Variants in MACROD2 observed in about 807,000 individuals in gnomAD.
The protein encoded by MACROD2 is mono-ADP ribosylhydrolase 2, also known as ADP-ribose glycohydrolase MACROD2.
A neutral mutation model predicts 70.4 loss-of-function variants in MACROD2; 36 were observed. That is an observed-to-expected ratio of 0.51 (90% CI 0.39 to 0.68). MACROD2 has a LOEUF of 0.68. MACROD2 is among the 30% of genes least tolerant of loss of function. MACROD2 has a pLI of 0.00. For missense variants in MACROD2, 496 were observed against 538.4 expected, an observed-to-expected ratio of 0.92 and a Z score of 0.78; for synonymous variants, 172 against 178.8, an observed-to-expected ratio of 0.96 and a Z score of 0.30.
At chr20:15,073,589 A>G (rs1321301824) in intron 5 of MACROD2, among the ~76,000 whole-genome samples, 3 of 152,036 alleles carry the variant, frequency 2.0e-5, no homozygotes, top group African/African-American at 7.2e-5. Flanking sequence ...TGGTGGAAAA[A>G]ACAAAGAATC....
intron 6 of MACROD2, among the ~76,000 whole-genome samples, chr20:15,346,093 GGCCTAAGGTAAAAATTTTTT>G (rs1252732242): frequency 2.2e-5 from 3 of 134,232 alleles, no homozygotes; most frequent in South Asian, 2.6e-4. Flanking sequence ...CACGAGGCCT[GGCCTAAGGTAAAAATTTTTT>G]TTTTTTTTAA....
At chr20:16,019,704 A>G (rs1297675933) in intron 15 of MACROD2, among the ~76,000 whole-genome samples, 2 of 152,230 alleles carry the variant, frequency 1.3e-5, no homozygotes, top group Non-Finnish European at 2.9e-5. Flanking sequence ...AGAAATGCAG[A>G]TTCTTAGGCC....
chr20:15,136,409 A>G (rs1038670779), intron 5 of MACROD2, among the ~76,000 whole-genome samples: 1 of 152,120 alleles, frequency 6.6e-6, no homozygotes, highest in Non-Finnish European at 1.5e-5. Flanking sequence ...ATAATGCCGC[A>G]TATCTACAAC....
chr20:15,118,120 T>C (rs919880788), intron 5 of MACROD2, among the ~76,000 whole-genome samples: 1 of 152,072 alleles, frequency 6.6e-6, no homozygotes, highest in East Asian at 1.9e-4. Flanking sequence ...AGAATTACCA[T>C]CCAAAAAAGC....
intron 3 of MACROD2, among the ~76,000 whole-genome samples, chr20:14,102,920 T>C (rs759344787): frequency 3.3e-5 from 5 of 152,158 alleles, no homozygotes; most frequent in Non-Finnish European, 5.9e-5. Flanking sequence ...TCAGTGTCTT[T>C]TTAAAAATAG....
intron 3 of MACROD2, among the ~76,000 whole-genome samples, chr20:14,330,167 G>C (rs1381761600): frequency 6.6e-6 from 1 of 152,030 alleles, no homozygotes; most frequent in Non-Finnish European, 1.5e-5. Flanking sequence ...AATATTGCCA[G>C]TTTTTAATAA....
At chr20:15,101,650 C>T (rs75323901) in intron 5 of MACROD2, among the ~76,000 whole-genome samples, 2,383 of 151,414 alleles carry the variant, frequency 0.016, 63 homozygotes, top group African/African-American at 0.055. Context: ...GCAGGAAATC[C>T]CCAACTCTGG....
chr20:15,618,239 A>G (rs1167318554), intron 8 of MACROD2, among the ~76,000 whole-genome samples: 1 of 151,736 alleles, frequency 6.6e-6, no homozygotes, highest in African/African-American at 2.4e-5. Context: ...CGAGGACAGT[A>G]TGCTTTTTAA....
At chr20:14,025,846 G>T (rs561832343) in intron 2 of MACROD2, among the ~76,000 whole-genome samples, 1 of 152,294 alleles carries the variant, frequency 6.6e-6, no homozygotes, top group Non-Finnish European at 1.5e-5. Context: ...GAGTTCTGTA[G>T]ATGTCTATTA....
At chr20:14,247,435 T>C (rs6074712) in intron 3 of MACROD2, among the ~76,000 whole-genome samples, 121,182 of 152,200 alleles carry the variant, frequency 0.8, 49,373 homozygotes, top group Non-Finnish European at 0.88. Flanking sequence ...ACGTAAGAAT[T>C]AGATGAAATA....
chr20:15,337,280 A>AT (rs1020816058), intron 6 of MACROD2, among the ~76,000 whole-genome samples: 9 of 151,432 alleles, frequency 5.9e-5, no homozygotes, highest in African/African-American at 2.2e-4. Flanking sequence ...GTTGGTTTTG[A>AT]TTTTTTTTCC....
At chr20:15,041,170 A>G (rs1437721254) in intron 5 of MACROD2, among the ~76,000 whole-genome samples, 2 of 152,232 alleles carry the variant, frequency 1.3e-5, no homozygotes, top group Non-Finnish European at 2.9e-5. Flanking sequence ...TGTGGAAGAA[A>G]AAGCCAATAA....
chr20:15,151,962 C>T (rs934663622), intron 5 of MACROD2, among the ~76,000 whole-genome samples: 10 of 151,678 alleles, frequency 6.6e-5, no homozygotes, highest in South Asian at 2.1e-4. Flanking sequence ...GACTCAGCGA[C>T]GCTTGGGGTT....
intron 4 of MACROD2, among the ~76,000 whole-genome samples, chr20:14,538,756 C>T (rs1426747663): frequency 2.0e-5 from 3 of 152,220 alleles, no homozygotes; most frequent in South Asian, 2.1e-4. Context: ...GCTGCCTCCT[C>T]AGACAGGCTT....
At chr20:14,074,966 G>T (rs1237149289) in intron 2 of MACROD2, among the ~76,000 whole-genome samples, 2 of 152,118 alleles carry the variant, frequency 1.3e-5, no homozygotes, top group Non-Finnish European at 2.9e-5. Context: ...AATTGTAGAT[G>T]CTATACAGCC....
At chr20:15,186,912 A>T (rs959669195) in intron 5 of MACROD2, among the ~76,000 whole-genome samples, 7 of 152,238 alleles carry the variant, frequency 4.6e-5, no homozygotes, top group African/African-American at 1.4e-4. Context: ...TGTGCTAATC[A>T]TGACGCATAT....
intron 7 of MACROD2, among the ~76,000 whole-genome samples, chr20:15,439,810 G>T (rs1392759967): frequency 6.6e-6 from 1 of 152,136 alleles, no homozygotes; most frequent in African/African-American, 2.4e-5. Context: ...CACTCAGGAT[G>T]AAAAGCCTCG....
At chr20:14,554,991 AG>A (rs1319755378) in intron 4 of MACROD2, among the ~76,000 whole-genome samples, 4 of 150,304 alleles carry the variant, frequency 2.7e-5, no homozygotes, top group African/African-American at 9.8e-5. Context: ...GGTAGGGGGT[AG>A]GGATGGTTAG....
At chr20:15,459,500 A>T (rs1261891061) in intron 7 of MACROD2, among the ~76,000 whole-genome samples, 1 of 152,092 alleles carries the variant, frequency 6.6e-6, no homozygotes, top group African/African-American at 2.4e-5. Context: ...TCTTTCCAGG[A>T]AGCTAAATGC....
Sources: gnomAD v4.1 joint callset for allele counts (sites outside exome capture counted in the v4.1 genomes callset) on GRCh38, gnomAD v4.1.1 for gene constraint, MANE v1.5 for transcripts, NCBI Gene and HGNC (gene_info 2026-07-23, HGNC 2026-07-21) for gene names.